Variants in VPS8 observed in about 807,000 individuals in gnomAD.
VPS8 encodes the protein vacuolar protein sorting-associated protein 8 homolog.
Under a neutral mutation model 216.4 loss-of-function variants are expected in VPS8, and 129 were observed. That is an observed-to-expected ratio of 0.60 (90% confidence interval 0.52 to 0.69). VPS8 has a LOEUF of 0.69. VPS8 is among the 30% of genes least tolerant of loss of function. The probability of loss-of-function intolerance (pLI) is 0.00; values close to 1 mark genes in which losing one functional copy is unlikely to be tolerated. For missense variants in VPS8, 1,531 were observed against 1,683.5 expected, an observed-to-expected ratio of 0.91 and a Z score of 1.59; for synonymous variants, 571 against 565.4, an observed-to-expected ratio of 1.01 and a Z score of -0.14.
At chr3:184,994,188 G>A (rs996642163) in intron 43 of VPS8, 125 bp downstream of exon 43, 16 of 602,272 alleles carry the variant, frequency 2.7e-5, no homozygotes, top group Non-Finnish European at 3.8e-5. Flanking sequence ...AGACTGAGGT[G>A]TATGTGTGTG....
intron 11 of VPS8, 144 bp downstream of exon 11, chr3:184,852,711 T>C: frequency 2.6e-6 from 2 of 777,110 alleles, no homozygotes; most frequent in Non-Finnish European, 4.0e-6. Context: ...GGAAGGCTTA[T>C]ATTAATAGAA....
intron 36 of VPS8, among the ~76,000 whole-genome samples, chr3:184,951,771 A>G (rs1295762255): frequency 1.3e-5 from 2 of 152,242 alleles, no homozygotes; most frequent in African/African-American, 4.8e-5. Flanking sequence ...TGGATATAAC[A>G]AATTTATGTG....
At chr3:184,844,418 C>CA (rs917335620) in intron 8 of VPS8, among the ~76,000 whole-genome samples, 82 of 148,930 alleles carry the variant, frequency 5.5e-4, no homozygotes, top group African/African-American at 1.8e-3. Flanking sequence ...GAGACTCTGT[C>CA]AAAAAAAATA....
At chr3:185,011,311 G>C (rs1357555682) in intron 45 of VPS8, among the ~76,000 whole-genome samples, 1 of 152,206 alleles carries the variant, frequency 6.6e-6, no homozygotes, top group African/African-American at 2.4e-5. Flanking sequence ...AACTAGACGA[G>C]CTCTACATTT....
intron 1 of VPS8, among the ~76,000 whole-genome samples, chr3:184,814,471 C>T (rs888939439): frequency 1.3e-5 from 2 of 152,222 alleles, no homozygotes; most frequent in Admixed American, 1.3e-4. Context: ...GTGTAGTCTG[C>T]TACACACCTA....
At chr3:184,827,693 A>G (rs905155566) in intron 3 of VPS8, among the ~76,000 whole-genome samples, 3 of 152,244 alleles carry the variant, frequency 2.0e-5, no homozygotes, top group African/African-American at 7.2e-5. Context: ...CTGCACAACA[A>G]CTTTCTTATC....
intron 45 of VPS8, among the ~76,000 whole-genome samples, chr3:185,016,965 C>T (rs973902582): frequency 3.3e-5 from 5 of 151,826 alleles, no homozygotes; most frequent in Admixed American, 6.6e-5. Flanking sequence ...GTAGGAACTT[C>T]GTCTTTCTGC....
chr3:185,039,755 G>T (rs1759390454), intron 46 of VPS8, among the ~76,000 whole-genome samples: 1 of 152,128 alleles, frequency 6.6e-6, no homozygotes, highest in Non-Finnish European at 1.5e-5. Flanking sequence ...TGGGTCTCAT[G>T]TGCAAATTTG....
rs551219833 is a variant in VPS8, at chr3:184,955,060, C to T, written c.3036-2314C>T. Among the ~76,000 whole-genome samples the T allele has an allele frequency of 2.0e-5, 3 of 152,304 alleles. No individual in the cohort carries two copies. In the East Asian group the frequency reaches 5.8e-4, roughly 29 times the overall value. On this transcript the variant is annotated intron_variant, in intron 36 of 47. Transcript: ENST00000625842. ...TGAGGGCTCTTTGGTCAAGTGGTAA[C>T]GCCAGTGTCTGTGAAGGCACCTGTT...
chr3:184,930,665 T>C, intron 34 of VPS8, 97 bp downstream of exon 34: 2 of 818,930 alleles, frequency 2.4e-6, no homozygotes, highest in Admixed American at 2.2e-5. Context: ...TCATATTAAG[T>C]TGATTTAATT....
intron 36 of VPS8, among the ~76,000 whole-genome samples, chr3:184,951,701 A>G (rs1744734500): frequency 6.6e-6 from 1 of 152,212 alleles, no homozygotes; most frequent in Non-Finnish European, 1.5e-5. Context: ...GACAAAAGAA[A>G]GCAGTGGGTG....
At position 184,928,540 on chromosome 3, in the gene VPS8, T is replaced by A; in HGVS notation, c.2714+7T>A. The stretch of plus-strand genomic sequence containing the variant: ...TGGCAGAAAAAGCTGAGTTGTAAGT[T>A]GTTTTGAGGCTGTATATTAGTTTGC... On this transcript the variant is annotated splice_region_variant and intron_variant, in intron 32 of 47. Coordinates refer to ENST00000625842, the MANE Select transcript of VPS8 (RefSeq NM_001009921.3). The A allele has an allele frequency of 6.7e-7, 1 of 1,500,034 alleles. No homozygotes were observed. Among genetic ancestry groups the A allele is most frequent in the Non-Finnish European group, 8.8e-7 (1 of 1,135,200 alleles). The allele number at this position is 1,500,034 out of a possible 1,614,324, so 92.9% of individuals were successfully genotyped here. A position where few individuals can be genotyped will look rare whatever the true frequency, so the allele number is the denominator to read the frequency against.
At chr3:185,048,440 C>T (rs1713432310) in intron 46 of VPS8, 39 bp from the exon 47 acceptor site, 6 of 1,602,694 alleles carry the variant, frequency 3.7e-6, no homozygotes, top group Non-Finnish European at 5.1e-6. Flanking sequence ...GCTGCCTAGC[C>T]ACGTGATGTT....
intron 40 of VPS8, among the ~76,000 whole-genome samples, chr3:184,972,711 C>T (rs554136079): frequency 6.6e-6 from 1 of 152,198 alleles, no homozygotes; most frequent in Admixed American, 6.5e-5. Flanking sequence ...AAGGAGGTAT[C>T]GTTGAGCAGC....
chr3:184,996,823 G>A (rs1010318779), intron 44 of VPS8, among the ~76,000 whole-genome samples: 1 of 152,210 alleles, frequency 6.6e-6, no homozygotes, highest in East Asian at 1.9e-4. Context: ...AGAGGGAGGA[G>A]CAAAGGTGCT....
chr3:185,049,821 G>T (rs1180820502), intron 47 of VPS8, among the ~76,000 whole-genome samples: 1 of 152,078 alleles, frequency 6.6e-6, no homozygotes, highest in Non-Finnish European at 1.5e-5. Context: ...GAACCTACTA[G>T]GTTACTTGGC....
At chr3:185,037,402 T>C (rs1021061503) in intron 46 of VPS8, among the ~76,000 whole-genome samples, 1 of 152,230 alleles carries the variant, frequency 6.6e-6, no homozygotes, top group South Asian at 2.1e-4. Context: ...TGGCATTACA[T>C]TGTTATGTAC....
chr3:184,976,971 A>G (rs1419176520), intron 40 of VPS8, among the ~76,000 whole-genome samples: 1 of 152,210 alleles, frequency 6.6e-6, no homozygotes, highest in Non-Finnish European at 1.5e-5. Flanking sequence ...CTTTGGGTAT[A>G]TTCCAAATGG....
At chr3:184,827,619 A>G (rs763281756) in intron 3 of VPS8, among the ~76,000 whole-genome samples, 2 of 152,258 alleles carry the variant, frequency 1.3e-5, no homozygotes, top group Middle Eastern at 3.2e-3. Flanking sequence ...GTAAATTATT[A>G]TATCAGCAAA....
Sources: allele counts gnomAD v4.1 joint callset (sites outside exome capture counted in the v4.1 genomes callset), GRCh38; gene constraint gnomAD v4.1.1; transcripts MANE v1.5; gene names NCBI Gene and HGNC (gene_info 2026-07-23, HGNC 2026-07-21).